The following GRM8 variants were observed in gnomAD, a reference collection of about 807,000 sequenced individuals.
GRM8 encodes the protein metabotropic glutamate receptor 8.
GRM8 carries 47 observed loss-of-function variants against 87.2 expected under a neutral mutation model. That is an observed-to-expected ratio of 0.54 (90% CI 0.43 to 0.69). GRM8 has a LOEUF of 0.69. GRM8 is among the 30% of genes least tolerant of loss of function. The pLI, the probability that GRM8 is intolerant of heterozygous loss-of-function variation, is 0.00. For missense variants in GRM8, 1,019 were observed against 1,139.2 expected, an observed-to-expected ratio of 0.89 and a Z score of 1.52; for synonymous variants, 396 against 404.5, an observed-to-expected ratio of 0.98 and a Z score of 0.25.
At chr7:126,805,206 C>T (rs898032713) in intron 6 of GRM8, among the ~76,000 whole-genome samples, 1 of 152,168 alleles carries the variant, frequency 6.6e-6, no homozygotes, top group Non-Finnish European at 1.5e-5. Context: ...TTTGTCTCCA[C>T]TCTGCTTTCA....
chr7:127,181,428 A>G (rs914681588), intron 2 of GRM8, among the ~76,000 whole-genome samples: 1 of 152,172 alleles, frequency 6.6e-6, no homozygotes, highest in Non-Finnish European at 1.5e-5. Flanking sequence ...TGCCAAAAGC[A>G]ATCTATACAT....
In GRM8 at chr7:126,767,892, A is replaced by G. The variant is rs1818366534; in HGVS notation, c.1357+1973T>C. Among the ~76,000 whole-genome samples the G allele has an allele frequency of 2.6e-5, 4 of 152,086 alleles. No individual in the cohort carries two copies. In the South Asian group the frequency reaches 6.2e-4, roughly 24 times the overall value. On this transcript the variant is annotated intron_variant, in intron 7 of 10. Coordinates refer to ENST00000339582, the MANE Select transcript of GRM8 (RefSeq NM_000845.3). ...AAGAGCTCAAAGAGATTGTCTTTTAAGTTCATATACTAAGATTTATTTATT... is the reference window on the plus strand; with the variant it reads ...AAGAGCTCAAAGAGATTGTCTTTTAGGTTCATATACTAAGATTTATTTATT...
intron 6 of GRM8, among the ~76,000 whole-genome samples, chr7:126,850,375 T>C (rs1315244679): frequency 2.0e-5 from 3 of 152,154 alleles, no homozygotes; most frequent in African/African-American, 7.2e-5. Context: ...TTAGAGCTCT[T>C]ATATTGTTTA....
intron 2 of GRM8, among the ~76,000 whole-genome samples, chr7:127,138,120 A>G (rs1301696009): frequency 1.3e-5 from 2 of 152,186 alleles, no homozygotes; most frequent in Non-Finnish European, 2.9e-5. Flanking sequence ...AAGAATGTTG[A>G]AAACAGATAG....
chr7:127,212,708 C>A (rs901260468), intron 2 of GRM8, among the ~76,000 whole-genome samples: 2 of 152,084 alleles, frequency 1.3e-5, no homozygotes, highest in African/African-American at 2.4e-5. Flanking sequence ...TGAGCCACCG[C>A]GCCCGGCCGA....
At chr7:126,714,899 TAAGG>T (rs1811551519) in intron 7 of GRM8, among the ~76,000 whole-genome samples, 3 of 152,146 alleles carry the variant, frequency 2.0e-5, no homozygotes, top group African/African-American at 7.2e-5. Flanking sequence ...AAGAAAATCA[TAAGG>T]AAGAGAAAAT....
rs555367208 is a variant in GRM8 at position 127,116,883 on chromosome 7, AC to A, written c.511-10172del. On this transcript the variant is annotated intron_variant, in intron 2 of 10. Transcript: ENST00000339582. ...AATGTTTTCAAATACTATATGCAAA[AC>A]TGGGGTTCTTATGCCAGGACTATCA... Among the ~76,000 whole-genome samples the A allele has an allele frequency of 4.6e-3, 705 of 152,306 alleles. 7 individuals carry two copies. Among genetic ancestry groups the A allele is most frequent in the African/African-American group, 0.016 (663 of 41,574 alleles).
intron 3 of GRM8, among the ~76,000 whole-genome samples, chr7:127,093,948 A>G (rs1425007130): frequency 1.3e-5 from 2 of 152,228 alleles, no homozygotes; most frequent in African/African-American, 4.8e-5. Flanking sequence ...TCAACTATTC[A>G]TCTGCTAGCC....
At chr7:127,133,391 C>T (rs563543370) in intron 2 of GRM8, among the ~76,000 whole-genome samples, 28 of 152,078 alleles carry the variant, frequency 1.8e-4, no homozygotes, top group African/African-American at 6.7e-4. Flanking sequence ...GCACACCAGC[C>T]TGGGCAACAC....
intron 8 of GRM8, among the ~76,000 whole-genome samples, chr7:126,554,159 G>C (rs1562950661): frequency 6.6e-6 from 1 of 151,998 alleles, no homozygotes; most frequent in Non-Finnish European, 1.5e-5. Flanking sequence ...TAAAGGAACA[G>C]AAAATGGCAC....
intron 2 of GRM8, among the ~76,000 whole-genome samples, chr7:127,231,322 A>G (rs184830819): frequency 6.6e-6 from 1 of 152,204 alleles, no homozygotes; most frequent in East Asian, 1.9e-4. Context: ...TCACAATGCT[A>G]GGATAGGACT....
chr7:126,685,030 G>A lies in GRM8; in HGVS notation c.1358-75532C>T, dbSNP rs775617776. ...GGAGAGGCTGCAGGGCAGCAGTGGT[G>A]GCCATGGGACCCCTGTGCCCTGCGT... On this transcript the variant is annotated intron_variant, in intron 7 of 10. Coordinates refer to ENST00000339582, the MANE Select transcript of GRM8 (RefSeq NM_000845.3). This position sits in a 1 kb window ranked among gnomAD's most constrained non-coding sequence, Gnocchi z 4.2. Among the ~76,000 whole-genome samples the A allele has an allele frequency of 3.9e-5, 6 of 152,130 alleles. No homozygotes were observed. Among genetic ancestry groups the A allele is most frequent in the Non-Finnish European group, 8.8e-5 (6 of 68,012 alleles).
intron 7 of GRM8, among the ~76,000 whole-genome samples, chr7:126,666,565 T>C (rs770342365): frequency 6.6e-6 from 1 of 152,166 alleles, no homozygotes; most frequent in African/African-American, 2.4e-5. Context: ...TCAATCCTAC[T>C]GCGTCCAGCA....
intron 3 of GRM8, among the ~76,000 whole-genome samples, chr7:126,951,896 G>A (rs73228956): frequency 6.6e-6 from 1 of 151,984 alleles, no homozygotes; most frequent in Non-Finnish European, 1.5e-5. Context: ...ATATGTGCAG[G>A]TTATTCATAT....
intron 9 of GRM8, among the ~76,000 whole-genome samples, chr7:126,455,278 AGATTCAAACTGAG>A (rs141973779): frequency 0.014 from 2,090 of 151,824 alleles, 53 homozygotes; most frequent in African/African-American, 0.048. Flanking sequence ...AATAAAGTGT[AGATTCAAACTGAG>A]GTTTCTCTAA....
intron 7 of GRM8, among the ~76,000 whole-genome samples, chr7:126,682,599 A>G (rs988410770): frequency 6.6e-6 from 1 of 152,230 alleles, no homozygotes; most frequent in African/African-American, 2.4e-5. Flanking sequence ...TTGCCTGCCA[A>G]TATTTTAGCA....
At chr7:126,482,945 T>C (rs1391995179) in intron 9 of GRM8, among the ~76,000 whole-genome samples, 1 of 151,590 alleles carries the variant, frequency 6.6e-6, no homozygotes, top group Non-Finnish European at 1.5e-5. Flanking sequence ...GACAGTCTCA[T>C]GATTTTGGTT....
chr7:126,819,882 A>G (rs1794146315), intron 6 of GRM8, among the ~76,000 whole-genome samples: 1 of 151,806 alleles, frequency 6.6e-6, no homozygotes, highest in Non-Finnish European at 1.5e-5. Flanking sequence ...TTTTCAATTA[A>G]AAAAAAATTC....
intron 7 of GRM8, among the ~76,000 whole-genome samples, chr7:126,669,646 G>T (rs1806173929): frequency 6.6e-6 from 1 of 152,162 alleles, no homozygotes; most frequent in Non-Finnish European, 1.5e-5. Flanking sequence ...CCCTTATTAT[G>T]CTATAGTCAA....
Sources: gnomAD v4.1 joint callset for allele counts (sites outside exome capture counted in the v4.1 genomes callset) on GRCh38, gnomAD v4.1.1 for gene constraint, Gnocchi (gnomAD v3.1) non-coding constraint, MANE v1.5 for transcripts, NCBI Gene and HGNC (gene_info 2026-07-23, HGNC 2026-07-21) for gene names.